AGBL1: variants seen among roughly 807,000 people sequenced by gnomAD.
AGBL1 encodes AGBL carboxypeptidase 1, also known as cytosolic carboxypeptidase 4.
In AGBL1, 130 loss-of-function variants were observed where a neutral mutation model predicts 118.9. The observed-to-expected ratio is 1.09, with a 90% confidence interval of 0.95 to 1.26. The LOEUF (loss-of-function observed/expected upper bound fraction) is 1.26, where lower values mean the gene tolerates loss of function less well. Among genes scored for constraint, AGBL1 ranks in the 50% most tolerant of loss-of-function variants. The pLI, the probability that AGBL1 is intolerant of heterozygous loss-of-function variation, is 0.00. For synonymous variants in AGBL1, 555 were observed against 478.9 expected, an observed-to-expected ratio of 1.16 and a Z score of -2.08; for missense variants, 1,584 against 1,298.1, an observed-to-expected ratio of 1.22 and a Z score of -3.38.
intron 21 of AGBL1, among the ~76,000 whole-genome samples, chr15:86,558,285 A>C (rs1188422225): frequency 1.3e-5 from 2 of 152,096 alleles, no homozygotes; most frequent in Non-Finnish European, 2.9e-5. Context: ...AATTGCTTGT[A>C]ACTAAAGGAC....
intron 19 of AGBL1, among the ~76,000 whole-genome samples, chr15:86,530,269 C>T (rs982231814): frequency 6.2e-5 from 7 of 112,666 alleles, no homozygotes; most frequent in Non-Finnish European, 1.0e-4. Flanking sequence ...GGAAGATCTA[C>T]CAAGCCAATG....
chr15:86,686,430 A>G (rs1421006840), intron 22 of AGBL1, among the ~76,000 whole-genome samples: 4 of 149,852 alleles, frequency 2.7e-5, no homozygotes, highest in Admixed American at 1.4e-4. Flanking sequence ...TTGACTGCTT[A>G]GCATATTCTA....
At chr15:86,637,826 A>C (rs779998738) in intron 21 of AGBL1, among the ~76,000 whole-genome samples, 8 of 152,210 alleles carry the variant, frequency 5.3e-5, no homozygotes, top group Non-Finnish European at 8.8e-5. Context: ...CTTTGTCATG[A>C]GACTGTAAGT....
intron 7 of AGBL1, among the ~76,000 whole-genome samples, chr15:86,250,467 G>T (rs564646787): frequency 7.4e-6 from 1 of 135,644 alleles, no homozygotes; most frequent in Non-Finnish European, 1.5e-5. Context: ...TGGAGGTTGC[G>T]ATGAGTTGAG....
chr15:86,485,250 A>G (rs920712425), intron 18 of AGBL1, among the ~76,000 whole-genome samples: 2 of 152,160 alleles, frequency 1.3e-5, no homozygotes, highest in South Asian at 2.1e-4. Context: ...TCAAATCTGC[A>G]TTTTACCAGA....
At chr15:86,147,705 ACTT>A (rs2077051670) in intron 3 of AGBL1, among the ~76,000 whole-genome samples, 1 of 152,162 alleles carries the variant, frequency 6.6e-6, no homozygotes, top group African/African-American at 2.4e-5. Flanking sequence ...GCAGCAAACA[ACTT>A]CTGCAGACTT....
At chr15:86,191,173 C>T (rs551918705) in intron 5 of AGBL1, among the ~76,000 whole-genome samples, 21 of 151,174 alleles carry the variant, frequency 1.4e-4, no homozygotes, top group African/African-American at 5.1e-4. Context: ...TGAAACCCCC[C>T]CTCCCTACTA....
chr15:86,192,636 G>C (rs2077741242), intron 5 of AGBL1, among the ~76,000 whole-genome samples: 1 of 152,090 alleles, frequency 6.6e-6, no homozygotes, highest in Non-Finnish European at 1.5e-5. Flanking sequence ...TTATATGCAT[G>C]GGTATTTGTG....
chr15:86,919,557 G>T (rs1316348388), downstream of AGBL1, among the ~76,000 whole-genome samples: 1 of 144,030 alleles, frequency 6.9e-6, no homozygotes, highest in African/African-American at 2.6e-5. Flanking sequence ...CTGCTTAGTT[G>T]CCCACTCCCT....
intron 1 of AGBL1, 24 bp from the exon 2 acceptor site, chr15:86,141,980 T>C: frequency 6.5e-7 from 1 of 1,547,568 alleles, no homozygotes; most frequent in South Asian, 1.2e-5. Flanking sequence ...TTCTTAAATA[T>C]GGCTGCCTGT....
chr15:86,346,137 C>T (rs1436867587), intron 17 of AGBL1, among the ~76,000 whole-genome samples: 1 of 151,664 alleles, frequency 6.6e-6, no homozygotes. Flanking sequence ...CGTGTGCCAC[C>T]ATACCCAGCT....
Position 86,264,354 on chromosome 15 carries a change from T to C in AGBL1, c.1183T>C (p.Cys395Arg). The C allele has an allele frequency of 6.2e-7, 1 of 1,613,454 alleles. No homozygotes were observed. Among genetic ancestry groups the C allele is most frequent in the Non-Finnish European group, 8.5e-7 (1 of 1,179,666 alleles). The change falls in exon 11 of 23, where the codon TGC (cysteine) becomes CGC (arginine). Residue 395 changes from cysteine to arginine, a missense_variant. Cys to Arg is a radical substitution (Grantham distance 180). Transcript: ENST00000614907. ...AGCCGCTGCCTCCTCAAAACAGCAT[T>C]GCTACAGCAAGGACCAAAGCTCCTG... Reference protein sequence around the residue: ...IPAAASSKQHCYSKDQSSCGQ... With the variant: ...IPAAASSKQHRYSKDQSSCGQ...
chr15:86,841,517 A>G (rs991800874), intron 22 of AGBL1, among the ~76,000 whole-genome samples: 19 of 152,198 alleles, frequency 1.2e-4, no homozygotes, highest in Non-Finnish European at 2.5e-4. Flanking sequence ...AAAATTTGGC[A>G]TTCCCAACAC....
intron 22 of AGBL1, among the ~76,000 whole-genome samples, chr15:86,748,757 T>G (rs1429779588): frequency 6.6e-6 from 1 of 151,996 alleles, no homozygotes; most frequent in African/African-American, 2.4e-5. Flanking sequence ...CACCATTTAT[T>G]AAATAGGGAA....
In AGBL1 at chr15:86,372,637, T is replaced by A. The variant is rs142085261; in HGVS notation, c.2375-24729T>A. Among the ~76,000 whole-genome samples, 394 of 152,382 alleles carry A rather than the reference T, an allele frequency of 2.6e-3. 1 individual carries two copies. The highest frequency in any genetic ancestry group is 8.9e-3 in the African/African-American group (372 of 41,596). Reference sequence around the variant, plus strand: ...CCGATTTGGAATACAGACTTTTGGTTTTTTTCTCTTATGGTCGTAGTTTTC... The same window carrying A: ...CCGATTTGGAATACAGACTTTTGGTATTTTTCTCTTATGGTCGTAGTTTTC... On this transcript the variant is annotated intron_variant, in intron 17 of 22. Coordinates refer to ENST00000614907, the MANE Select transcript of AGBL1 (RefSeq NM_001386094.1).
At chr15:86,865,844 G>A (rs1031789714) in intron 22 of AGBL1, among the ~76,000 whole-genome samples, 2 of 152,162 alleles carry the variant, frequency 1.3e-5, no homozygotes, top group African/African-American at 4.8e-5. Flanking sequence ...GCAGCTTTGG[G>A]ATGAGTAGCT....
In AGBL1 at chr15:86,950,519, AT is replaced by A. The variant is rs200903735; in HGVS notation, c.3222-37467del. ...AAAAGCAGTAACCAAAAAGAAAAAA[AT>A]ATATATATGTATATATATATGCACA... On this transcript the variant is annotated intron_variant, in intron 23 of 24. Transcript: ENST00000441037. 4.6e-3 allele frequency among the ~76,000 whole-genome samples: 681 copies of A among 149,598 alleles called. 8 individuals carry two copies. The highest frequency in any genetic ancestry group is 0.015 in the African/African-American group (604 of 41,264).
chr15:86,388,960 T>G (rs1004333744), intron 17 of AGBL1, among the ~76,000 whole-genome samples: 2 of 152,232 alleles, frequency 1.3e-5, no homozygotes, highest in Non-Finnish European at 2.9e-5. Flanking sequence ...TGTTACTATG[T>G]CATATATCTA....
At chr15:86,796,869 G>T (rs1254847136) in intron 22 of AGBL1, among the ~76,000 whole-genome samples, 1 of 152,128 alleles carries the variant, frequency 6.6e-6, no homozygotes, top group Admixed American at 6.5e-5. Context: ...AGGAAGAAAG[G>T]GCTTTCTAAG....
Sources: gnomAD v4.1 joint callset for allele counts (sites outside exome capture counted in the v4.1 genomes callset) on GRCh38, gnomAD v4.1.1 for gene constraint, MANE v1.5 for transcripts, NCBI Gene and HGNC (gene_info 2026-07-23, HGNC 2026-07-21) for gene names.